Variants in CAPN15 observed in about 807,000 individuals in gnomAD.
CAPN15 encodes calpain-15.
CAPN15 carries 53 observed loss-of-function variants against 97.9 expected under a neutral mutation model. The ratio of observed to expected loss-of-function variants is 0.54; its 90% CI spans 0.43 to 0.68. The LOEUF (loss-of-function observed/expected upper bound fraction) is 0.68, where lower values mean the gene tolerates loss of function less well. CAPN15 is among the 30% of genes least tolerant of loss of function. The pLI is 0.00. For synonymous variants in CAPN15, 922 were observed against 722.5 expected, an observed-to-expected ratio of 1.28 and a Z score of -4.43; for missense variants, 1,592 against 1,589.8, an observed-to-expected ratio of 1.00 and a Z score of -0.02.
rs572578302 is a variant in CAPN15, at chr16:552,047, G to A, written c.2346-4G>A. Reference sequence around the variant, plus strand: ...TCAGGGCCCCGTCCTCCCGCCACCTGCAGGTACTTCGACTCCGTGGACATC... The same window carrying A: ...TCAGGGCCCCGTCCTCCCGCCACCTACAGGTACTTCGACTCCGTGGACATC... On this transcript the variant is annotated splice_polypyrimidine_tract_variant and splice_region_variant and intron_variant, in intron 9 of 13. Coordinates refer to ENST00000219611, the MANE Select transcript of CAPN15 (RefSeq NM_005632.3). This position sits in a 1 kb window ranked among gnomAD's most constrained non-coding sequence, Gnocchi z 6.4. The A allele has an allele frequency of 1.9e-4, 301 of 1,548,008 alleles. 1 individual carries two copies. In the East Asian group the frequency reaches 3.1e-3, roughly 16 times the overall value.
Position 536,019 on chromosome 16 carries a change from G to A in CAPN15, c.-136-10G>A, listed in dbSNP as rs1402378527. On this transcript the variant is annotated splice_polypyrimidine_tract_variant and intron_variant, in intron 2 of 13. Coordinates refer to ENST00000219611, the MANE Select transcript of CAPN15 (RefSeq NM_005632.3). ...CCCCTGCACGCCCCCCCCCCCCCCC[G>A]GTTATTCAGACAGGGAGCCAGGATG... The A allele has an allele frequency of 1.2e-4, 9 of 74,390 alleles. No individual in the cohort carries two copies. Among genetic ancestry groups the A allele is most frequent in the African/African-American group, 8.4e-4 (5 of 5,922 alleles). 4.6% of individuals were successfully genotyped at this position (74,390 alleles called of 1,614,324 possible). A position where few individuals can be genotyped will look rare whatever the true frequency, so the allele number is the denominator to read the frequency against.
rs1419526798 is a variant in CAPN15 at position 534,001 on chromosome 16, G to A, written c.-137+3G>A. On this transcript the variant is annotated splice_donor_region_variant and intron_variant, in intron 2 of 13. Transcript: ENST00000219611. Reference sequence around the variant, plus strand: ...CTGGGAGCTTGCTGCAGCTTCAGGTGAGTTTGTTCCCAAGCCCTGCGGCTC... The same window carrying A: ...CTGGGAGCTTGCTGCAGCTTCAGGTAAGTTTGTTCCCAAGCCCTGCGGCTC... 2.0e-6 allele frequency: 2 copies of A among 985,132 alleles called. No individual in the cohort carries two copies. Among genetic ancestry groups the A allele is most frequent in the African/African-American group, 1.7e-5 (1 of 57,232 alleles). The allele number at this position is 985,132 out of a possible 1,614,324, so 61.0% of individuals were successfully genotyped here. A position where few individuals can be genotyped will look rare whatever the true frequency, so the allele number is the denominator to read the frequency against.
chr16:530,599 A>G (rs1380083611), intron 1 of CAPN15, among the ~76,000 whole-genome samples: 1 of 152,138 alleles, frequency 6.6e-6, no homozygotes, highest in African/African-American at 2.4e-5. Context: ...CCCTGTCACT[A>G]TGTGGGTCAC....
chr16:531,310 T>TAGTATCCCAG (rs2033235193), intron 1 of CAPN15, among the ~76,000 whole-genome samples: 1 of 152,232 alleles, frequency 6.6e-6, no homozygotes, highest in African/African-American at 2.4e-5. Context: ...GTGATCTTCC[T>TAGTATCCCAG]GCCTCAGCCT....
intron 3 of CAPN15, among the ~76,000 whole-genome samples, chr16:541,762 G>A (rs2034134179): frequency 6.6e-6 from 1 of 152,272 alleles, no homozygotes; most frequent in Admixed American, 6.5e-5. Flanking sequence ...GCATCCCGCA[G>A]CCCAGAGGGA....
At chr16:546,303 A>G (rs1287831631) in intron 3 of CAPN15, among the ~76,000 whole-genome samples, 1 of 152,160 alleles carries the variant, frequency 6.6e-6, no homozygotes, top group Non-Finnish European at 1.5e-5. Context: ...TACAAGAACA[A>G]TTGATTTTTC....
chr16:534,231 C>CCGTGGTCCTGTCGTGGG (rs370331827), intron 2 of CAPN15, among the ~76,000 whole-genome samples: 1 of 147,792 alleles, frequency 6.8e-6, no homozygotes, highest in Admixed American at 6.6e-5. Flanking sequence ...GGGGTCCCGA[C>CCGTGGTCCTGTCGTGGG]AGGGGTGTTT....
chr16:549,745 G>A lies in CAPN15; in HGVS notation c.1973G>A (p.Ser658Asn). The A allele has an allele frequency of 6.3e-7, 1 of 1,587,324 alleles. No homozygotes were observed. Among genetic ancestry groups the A allele is most frequent in the Non-Finnish European group, 8.6e-7 (1 of 1,167,332 alleles). The change falls in exon 7 of 14, where the codon AGC becomes AAC. Residue 658 changes from serine (S) to asparagine (N), a missense_variant. By Grantham distance (46) the Ser-to-Asn change is conservative (BLOSUM62 1). Coordinates refer to ENST00000219611, the MANE Select transcript of CAPN15 (RefSeq NM_005632.3). Reference sequence around the variant, plus strand: ...ACGCTCACCGGCGCCCCCTGTGAGAGCCTGGCGCTGCAGCTCAGCTCCACT... The same window carrying A: ...ACGCTCACCGGCGCCCCCTGTGAGAACCTGGCGCTGCAGCTCAGCTCCACT... ...LATLTGAPCE[S>N]LALQLSSTNP...
At chr16:540,574 G>A (rs2034044341) in intron 3 of CAPN15, among the ~76,000 whole-genome samples, 1 of 152,236 alleles carries the variant, frequency 6.6e-6, no homozygotes, top group Non-Finnish European at 1.5e-5. Context: ...TGGGGATGGG[G>A]GCTAGTGCGC....
In CAPN15 at chr16:554,391, C is replaced by T. The variant is rs547967079; in HGVS notation, c.*875C>T. On this transcript the variant is annotated 3_prime_UTR_variant, in exon 14 of 14. Transcript: ENST00000219611. ...CACTCCCGGCAGCGGGCCGGCCTCG[C>T]CCCCACTCCCCCTCCTACCCCGGCA... The T allele has an allele frequency of 4.4e-5, 18 of 413,148 alleles. No individual in the cohort carries two copies. Among genetic ancestry groups the T allele is most frequent in the African/African-American group, 2.3e-4 (11 of 48,778 alleles). 25.6% of individuals were successfully genotyped at this position (413,148 alleles called of 1,614,324 possible).
Position 547,086 on chromosome 16 carries a change from T to C in CAPN15, c.248T>C (p.Leu83Pro), listed in dbSNP as rs748698611. 35 of 1,592,524 alleles carry C rather than the reference T, an allele frequency of 2.2e-5. 2 individuals are homozygous for C. The South Asian group carries it at 3.2e-4, about 14-fold the overall frequency. Residue 83 changes from leucine to proline, a missense_variant, in exon 4 of 14, where the codon CTC becomes CCC. By Grantham distance (98) the Leu-to-Pro change is moderately conservative. Coordinates refer to ENST00000219611, the MANE Select transcript of CAPN15 (RefSeq NM_005632.3). ...CCTGGGGCTGCCTTCCTGCCAGTCC[T>C]CAACGGGGTCCTCCCCAAGCCACCC... Reference protein sequence around the residue: ...PAPGAAFLPVLNGVLPKPPAI... With the variant: ...PAPGAAFLPVPNGVLPKPPAI...
Position 549,851 on chromosome 16 carries a change from G to T in CAPN15, c.2066+13G>T. On this transcript the variant is annotated intron_variant, in intron 7 of 13. Coordinates refer to ENST00000219611, the MANE Select transcript of CAPN15 (RefSeq NM_005632.3). The stretch of plus-strand genomic sequence containing the variant: ...CTAAGGAGGCTGGGTAAGAGGAGGG[G>T]CACTGCGTGGTCAGCCGCGTTGGGA... The T allele has an allele frequency of 6.4e-7, 1 of 1,554,066 alleles. No homozygotes were observed. Among genetic ancestry groups the T allele is most frequent in the Non-Finnish European group, 8.7e-7 (1 of 1,144,274 alleles).
rs564719894 is a variant in CAPN15, at chr16:552,523, C to A, written c.2730C>A (p.Ala910=). 10 of 1,600,876 alleles carry A rather than the reference C, an allele frequency of 6.2e-6. No homozygotes were observed. In the East Asian group the frequency reaches 1.8e-4, roughly 29 times the overall value. Residue 910 remains alanine (A), a synonymous_variant, in exon 11 of 14, where the codon GCC becomes GCA. Transcript: ENST00000219611. This position sits in a 1 kb window ranked among gnomAD's most constrained non-coding sequence, Gnocchi z 6.4. ...GGCCGCCCCTGCCGGGCACCCCTGC[C>A]CCCCAGGGTACGTGGCCCCTACCCC... ...HWGPPLPGTP[A]PQASSPSAGV...
chr16:550,463 C>T (rs866925990), intron 7 of CAPN15, among the ~76,000 whole-genome samples: 4 of 152,236 alleles, frequency 2.6e-5, no homozygotes, highest in African/African-American at 9.6e-5. Flanking sequence ...TCACGTGGTC[C>T]CTACAGGCAG....
At position 548,158 on chromosome 16, in the gene CAPN15, C is replaced by T. The variant is rs996656094; in HGVS notation, c.1320C>T (p.Leu440=). ...KHCAACHTPQ[L]LVAQRRGAAP... is the part of the protein sequence containing the mutation. The stretch of plus-strand genomic sequence containing the variant: ...GCGCCGCCTGCCACACGCCTCAGCT[C>T]CTGGTGGCCCAGCGGCGGGGGGCCG... Residue 440 remains leucine (L), a synonymous_variant, in exon 4 of 14, where the codon CTC becomes CTT. Transcript: ENST00000219611. 3.3e-6 allele frequency: 5 copies of T among 1,537,916 alleles called. No homozygotes were observed. Among genetic ancestry groups the T allele is most frequent in the Admixed American group, 4.1e-5 (2 of 49,022 alleles).
At chr16:538,156 C>T (rs752217137) in intron 3 of CAPN15, 3 of 152,244 alleles carry the variant, frequency 2.0e-5, no homozygotes, top group Admixed American at 6.5e-5. Context: ...CCGGCGTGGC[C>T]GCCAGGTGCC....
intron 1 of CAPN15, among the ~76,000 whole-genome samples, chr16:528,483 C>G (rs1378774243): frequency 6.6e-6 from 1 of 152,194 alleles, no homozygotes; most frequent in Non-Finnish European, 1.5e-5. Context: ...GGGCGGCCAC[C>G]TGGCGTGGAG....
At chr16:543,372 C>G (rs2034288831) in intron 3 of CAPN15, 1 of 153,918 alleles carries the variant, frequency 6.5e-6, no homozygotes, top group Non-Finnish European at 1.5e-5. Flanking sequence ...GGCCGTGGCT[C>G]TGGCTATGGG....
intron 4 of CAPN15, 38 bp from the exon 5 acceptor site, chr16:548,955 C>G (rs1298405980): frequency 6.2e-7 from 1 of 1,601,250 alleles, no homozygotes; most frequent in Non-Finnish European, 8.5e-7. Context: ...AGCGAGGCCA[C>G]CCTGCCCAGC....
Sources: allele counts gnomAD v4.1 joint callset (sites outside exome capture counted in the v4.1 genomes callset), GRCh38; gene constraint gnomAD v4.1.1; non-coding constraint Gnocchi (gnomAD v3.1); transcripts MANE v1.5; gene names NCBI Gene and HGNC (gene_info 2026-07-23, HGNC 2026-07-21).